CA12: variants seen among roughly 807,000 people sequenced by gnomAD.
CA12 encodes the protein carbonate dehydratase XII.
CA12 carries 36 observed loss-of-function variants against 46.8 expected under a neutral mutation model. The ratio of observed to expected loss-of-function variants is 0.77; its 90% CI spans 0.59 to 1.02. The LOEUF is 1.02. CA12 is among the 50% of genes least tolerant of loss of function. The pLI, the probability that CA12 is intolerant of heterozygous loss-of-function variation, is 0.00. For missense variants in CA12, 436 were observed against 451.4 expected, an observed-to-expected ratio of 0.97 and a Z score of 0.31; for synonymous variants, 202 against 187.0, an observed-to-expected ratio of 1.08 and a Z score of -0.65.
intron 2 of CA12, among the ~76,000 whole-genome samples, chr15:63,352,818 A>G (rs1567048420): frequency 6.6e-6 from 1 of 152,248 alleles, no homozygotes; most frequent in South Asian, 2.1e-4. Flanking sequence ...AGGTCTGACC[A>G]TAATGAAAGG....
chr15:63,358,824 T>C (rs916495289), intron 2 of CA12, among the ~76,000 whole-genome samples: 2 of 152,084 alleles, frequency 1.3e-5, no homozygotes. Flanking sequence ...TGTCTTTACT[T>C]CCCATTCAGA....
At position 63,327,648 on chromosome 15, in the gene CA12, C is replaced by T. The variant is rs2038885539; in HGVS notation, c.908-415G>A. Among the ~76,000 whole-genome samples the T allele has an allele frequency of 6.6e-6, 1 of 152,112 alleles. No individual in the cohort carries two copies. The highest frequency in any genetic ancestry group is 1.5e-5 in the Non-Finnish European group (1 of 68,024). On this transcript the variant is annotated intron_variant, in intron 9 of 10. Transcript: ENST00000178638. This position sits in a 1 kb window ranked among gnomAD's most constrained non-coding sequence, Gnocchi z 4.5. ...ACACTTTGATAAGCCCTGGGCTACA[C>T]AAATAAGAACTTACTCTGTCTTTGC... is the stretch of plus-strand genomic sequence containing the variant.
intron 2 of CA12, among the ~76,000 whole-genome samples, chr15:63,358,932 C>T (rs955506237): frequency 6.6e-6 from 1 of 152,178 alleles, no homozygotes; most frequent in Non-Finnish European, 1.5e-5. Flanking sequence ...ACTAACCCCC[C>T]ACTCCTGATT....
intron 2 of CA12, among the ~76,000 whole-genome samples, chr15:63,363,357 CA>C (rs2039390667): frequency 6.6e-6 from 1 of 152,172 alleles, no homozygotes; most frequent in Non-Finnish European, 1.5e-5. Context: ...GTCCCAGAGC[CA>C]AAAATTAATA....
intron 2 of CA12, among the ~76,000 whole-genome samples, chr15:63,361,185 T>A (rs2039358426): frequency 6.6e-6 from 1 of 152,178 alleles, no homozygotes; most frequent in Non-Finnish European, 1.5e-5. Flanking sequence ...AGCTGCCCAG[T>A]GGAAGTGTAG....
rs1432131508 is a variant in CA12, at chr15:63,326,027, A to T, written c.*258T>A. 7 of 509,632 alleles carry T rather than the reference A, an allele frequency of 1.4e-5. No homozygotes were observed. Among genetic ancestry groups the T allele is most frequent in the Non-Finnish European group, 2.5e-5 (7 of 279,116 alleles). 31.6% of individuals were successfully genotyped at this position (509,632 alleles called of 1,614,324 possible). Reference sequence around the variant, plus strand: ...GATTCCAGAATTCAGACCACTTCACAATCTCACACAGTTACAGCAAGCAGC... The same window carrying T: ...GATTCCAGAATTCAGACCACTTCACTATCTCACACAGTTACAGCAAGCAGC... On this transcript the variant is annotated 3_prime_UTR_variant, in exon 11 of 11. Transcript: ENST00000178638.
At chr15:63,346,843 C>T (rs2039156851) in intron 2 of CA12, 134 bp from the exon 3 acceptor site, 2 of 1,038,290 alleles carry the variant, frequency 1.9e-6, no homozygotes, top group South Asian at 1.4e-5. Flanking sequence ...CTTCAAGGCT[C>T]AGAGTCTTGG....
chr15:63,354,056 G>A (rs1207178772), intron 2 of CA12, among the ~76,000 whole-genome samples: 1 of 152,204 alleles, frequency 6.6e-6, no homozygotes, highest in Non-Finnish European at 1.5e-5. Context: ...TTCCTGCTGG[G>A]TAGGCGGAGA....
Position 63,327,465 on chromosome 15 carries a change from C to G in CA12, c.908-232G>C, listed in dbSNP as rs2038882570. On this transcript the variant is annotated intron_variant, in intron 9 of 10. Coordinates refer to ENST00000178638, the MANE Select transcript of CA12 (RefSeq NM_001218.5). This position sits in a 1 kb window ranked among gnomAD's most constrained non-coding sequence, Gnocchi z 4.5. Reference sequence around the variant, plus strand: ...TCCAGCAGATGCTCTCAAACTTACACAAGGGTCATCTGAAGAGCTTGTTTA... The same window carrying G: ...TCCAGCAGATGCTCTCAAACTTACAGAAGGGTCATCTGAAGAGCTTGTTTA... Among the ~76,000 whole-genome samples, 1 of 151,032 alleles carries G rather than the reference C, an allele frequency of 6.6e-6. No homozygotes were observed. Among genetic ancestry groups the G allele is most frequent in the African/African-American group, 2.4e-5 (1 of 41,060 alleles).
chr15:63,347,215 G>T (rs1013326348), intron 2 of CA12, among the ~76,000 whole-genome samples: 28 of 152,248 alleles, frequency 1.8e-4, no homozygotes, highest in African/African-American at 6.5e-4. Context: ...GTATTATCTT[G>T]GTGCAAAAAT....
intron 2 of CA12, among the ~76,000 whole-genome samples, chr15:63,359,593 A>G (rs561607174): frequency 1.3e-5 from 2 of 152,312 alleles, no homozygotes; most frequent in East Asian, 3.9e-4. Flanking sequence ...TCAGACAAAT[A>G]AAAATCGAGG....
At chr15:63,346,410 G>GC in intron 3 of CA12, 120 bp downstream of exon 3, 1 of 403,624 alleles carries the variant, frequency 2.5e-6, no homozygotes, top group Non-Finnish European at 5.1e-6. Context: ...CCCCCGCCCC[G>GC]CCCCACCCCT....
chr15:63,361,028 T>C (rs529454451), intron 2 of CA12, among the ~76,000 whole-genome samples: 187 of 152,222 alleles, frequency 1.2e-3, no homozygotes, highest in African/African-American at 4.4e-3. Flanking sequence ...TGGCATCGGA[T>C]GTAAATACAG....
chr15:63,343,801 C>A (rs1479524162), intron 4 of CA12, among the ~76,000 whole-genome samples: 2 of 152,184 alleles, frequency 1.3e-5, no homozygotes, highest in Non-Finnish European at 2.9e-5. Flanking sequence ...ACACCCTAAC[C>A]TCCTTTGTGA....
At chr15:63,334,141 G>A (rs760141961) in intron 8 of CA12, among the ~76,000 whole-genome samples, 5 of 150,898 alleles carry the variant, frequency 3.3e-5, no homozygotes, top group African/African-American at 7.3e-5. Flanking sequence ...CTTGAAACCC[G>A]AACTGGCCTG....
Position 63,345,330 on chromosome 15 carries a change from G to T in CA12, c.429+147C>A. 2.2e-6 allele frequency: 2 copies of T among 925,972 alleles called. No individual in the cohort carries two copies. The highest frequency in any genetic ancestry group is 1.7e-6 in the Non-Finnish European group (1 of 600,258). 57.4% of individuals were successfully genotyped at this position (925,972 alleles called of 1,614,324 possible). On this transcript the variant is annotated intron_variant, in intron 4 of 10. Coordinates refer to ENST00000178638, the MANE Select transcript of CA12 (RefSeq NM_001218.5). The surrounding 1 kb of genome is among the most constrained non-coding windows in gnomAD (Gnocchi z 4.3). ...AGCTACAGGCTAGTGGAGTGGCTGC[G>T]CCCCTTGTGCCAGGGCCAGAGGTGG...
At position 63,339,950 on chromosome 15, in the gene CA12, C is replaced by T. The variant is rs1027740821; in HGVS notation, c.747+338G>A. 5.4e-6 allele frequency: 2 copies of T among 368,858 alleles called. No individual in the cohort carries two copies. Among genetic ancestry groups the T allele is most frequent in the Non-Finnish European group, 1.0e-5 (2 of 192,100 alleles). The allele number at this position is 368,858 out of a possible 1,614,324, so 22.8% of individuals were successfully genotyped here. Reference sequence around the variant, plus strand: ...AATCCCATCTCTTAAATGATTTCATCTGATCCTGTCTTTATTCTGCCCTGT... The same window carrying T: ...AATCCCATCTCTTAAATGATTTCATTTGATCCTGTCTTTATTCTGCCCTGT... On this transcript the variant is annotated intron_variant, in intron 7 of 10. Transcript: ENST00000178638. This position sits in a 1 kb window ranked among gnomAD's most constrained non-coding sequence, Gnocchi z 4.3.
rs181496137 is a variant in CA12, at chr15:63,332,831, A to C, written c.875-4701T>G. ...GGAGGGAACTGGAGATGGGTCAGGG[A>C]CATTCTTTCAACAAGCTTATATTGA... On this transcript the variant is annotated intron_variant, in intron 8 of 10. Coordinates refer to ENST00000178638, the MANE Select transcript of CA12 (RefSeq NM_001218.5). Among the ~76,000 whole-genome samples the C allele has an allele frequency of 1.1e-4, 16 of 152,326 alleles. No individual in the cohort carries two copies. In the East Asian group the frequency reaches 3.1e-3, roughly 29 times the overall value.
Position 63,346,279 on chromosome 15 carries a change from G to A in CA12, c.286+251C>T, listed in dbSNP as rs34573088. ...GCCAATGAACTACAGTGCTCAGGCCGGTCTCCTGCCCCATCCTGAGAGATG... is the reference window on the plus strand; with the variant it reads ...GCCAATGAACTACAGTGCTCAGGCCAGTCTCCTGCCCCATCCTGAGAGATG... On this transcript the variant is annotated intron_variant, in intron 3 of 10. Coordinates refer to ENST00000178638, the MANE Select transcript of CA12 (RefSeq NM_001218.5). Among the ~76,000 whole-genome samples the A allele has an allele frequency of 0.062, 9,445 of 152,136 alleles. 291 individuals are homozygous for A. The highest frequency in any genetic ancestry group is 0.088 in the Middle Eastern group (26 of 294).
Sources: gnomAD v4.1 joint callset for allele counts (sites outside exome capture counted in the v4.1 genomes callset) on GRCh38, gnomAD v4.1.1 for gene constraint, Gnocchi (gnomAD v3.1) non-coding constraint, MANE v1.5 for transcripts, NCBI Gene and HGNC (gene_info 2026-07-23, HGNC 2026-07-21) for gene names.